ZNF114: variants seen among roughly 807,000 people sequenced by gnomAD.
ZNF114 encodes zinc finger protein 114 (Y18).
ZNF114 carries 8 observed loss-of-function variants against 6.8 expected under a neutral mutation model. The ratio of observed to expected loss-of-function variants is 1.18; its 90% CI spans 0.69 to 2.13. ZNF114 has a LOEUF of 2.13. ZNF114 is among the 30% of genes most tolerant of loss of function. The pLI, the probability that ZNF114 is intolerant of heterozygous loss-of-function variation, is 0.00. For synonymous variants in ZNF114, 169 were observed against 185.5 expected, an observed-to-expected ratio of 0.91 and a Z score of 0.72; for missense variants, 472 against 519.5, an observed-to-expected ratio of 0.91 and a Z score of 0.89.
At chr19:48,277,794 G>GGTGTGTGT (rs749201884) in intron 3 of ZNF114, among the ~76,000 whole-genome samples, 6,735 of 119,300 alleles carry the variant, frequency 0.056, 249 homozygotes, top group African/African-American at 0.063. Flanking sequence ...GGAGGCATTG[G>GGTGTGTGT]GTGTGTGTGT....
intron 3 of ZNF114, among the ~76,000 whole-genome samples, chr19:48,273,544 A>T (rs1967735485): frequency 6.6e-6 from 1 of 151,778 alleles, no homozygotes; most frequent in Admixed American, 6.6e-5. Flanking sequence ...TTAAATTGAA[A>T]TAGGCGGTTT....
At chr19:48,278,671 G>C (rs762762810) in intron 3 of ZNF114, among the ~76,000 whole-genome samples, 1 of 152,094 alleles carries the variant, frequency 6.6e-6, no homozygotes, top group African/African-American at 2.4e-5. Context: ...GGCCAGGTGC[G>C]GTGCTCACAC....
intron 3 of ZNF114, among the ~76,000 whole-genome samples, chr19:48,277,037 AATCTC>A (rs1967854707): frequency 6.6e-6 from 1 of 152,086 alleles, no homozygotes; most frequent in African/African-American, 2.4e-5. Context: ...CCAAGCCTGT[AATCTC>A]AGCTACTCAG....
intron 4 of ZNF114, among the ~76,000 whole-genome samples, chr19:48,280,060 C>G (rs939546562): frequency 1.1e-4 from 16 of 152,142 alleles, no homozygotes; most frequent in Admixed American, 3.3e-4. Context: ...GCTTCACGTT[C>G]TGCTGCAAAG....
At chr19:48,277,810 T>C (rs1486398262) in intron 3 of ZNF114, among the ~76,000 whole-genome samples, 1 of 151,062 alleles carries the variant, frequency 6.6e-6, no homozygotes, top group African/African-American at 2.4e-5. Flanking sequence ...TGTGTGTGTG[T>C]GTGTGTGTGT....
Position 48,286,276 on chromosome 19 carries a change from G to A in ZNF114, c.652G>A (p.Ala218Thr). 1 of 1,614,174 alleles carries A rather than the reference G, an allele frequency of 6.2e-7. No homozygotes were observed. Among genetic ancestry groups the A allele is most frequent in the Admixed American group, 1.7e-5 (1 of 60,006 alleles). ...HHIRDEIDTG[A>T]NRHQRNPFGK... ...TATACGTGATGAAATTGATACGGGG[G>A]CCAACAGGCACCAGCGGAATCCATT... The change falls in exon 6 of 6, where the codon GCC becomes ACC. Residue 218 changes from alanine (A) to threonine (T), a missense_variant. Physicochemically the swap from Ala to Thr is moderately conservative, Grantham distance 58 (BLOSUM62 0). Transcript: ENST00000595607.
In ZNF114 at chr19:48,285,911, A is replaced by T. The variant is rs765327554; in HGVS notation, c.287A>T (p.Glu96Val). 6 of 1,614,184 alleles carry T rather than the reference A, an allele frequency of 3.7e-6. No homozygotes were observed. In the South Asian group the frequency reaches 6.6e-5, roughly 18 times the overall value. ...LREDWRCPKT[E>V]EPHRQGVNNV... Reference sequence around the variant, plus strand: ...GAAGACTGGAGATGCCCCAAAACAGAGGAACCACACAGGCAGGGGGTGAAT... The same window carrying T: ...GAAGACTGGAGATGCCCCAAAACAGTGGAACCACACAGGCAGGGGGTGAAT... The change falls in exon 6 of 6, where the codon GAG (glutamate) becomes GTG (valine). Residue 96 changes from glutamate (E) to valine (V), a missense_variant. Physicochemically the swap from Glu to Val is moderately radical, Grantham distance 121 (BLOSUM62 -2). Transcript: ENST00000595607.
intron 3 of ZNF114, among the ~76,000 whole-genome samples, chr19:48,272,622 C>G (rs1568989044): frequency 1.7e-5 from 2 of 117,872 alleles, no homozygotes; most frequent in African/African-American, 7.6e-5. Context: ...TGCAGTGAGC[C>G]GAGATCGTGC....
intron 3 of ZNF114, among the ~76,000 whole-genome samples, chr19:48,275,457 C>CACACACACACACACACACACAA (rs1181746572): frequency 3.5e-5 from 5 of 144,556 alleles, no homozygotes; most frequent in African/African-American, 1.3e-4. Flanking sequence ...CACACACACA[C>CACACACACACACACACACACAA]AAAATAGCCA....
intron 3 of ZNF114, among the ~76,000 whole-genome samples, chr19:48,276,279 A>G (rs542603585): frequency 1.3e-5 from 2 of 151,688 alleles, no homozygotes; most frequent in East Asian, 4.0e-4. Context: ...GGGTTTCTCC[A>G]TGTTGGTCAG....
At chr19:48,278,243 C>T (rs1266889323) in intron 3 of ZNF114, among the ~76,000 whole-genome samples, 1 of 152,044 alleles carries the variant, frequency 6.6e-6, no homozygotes, top group Non-Finnish European at 1.5e-5. Context: ...GCCCAATTCA[C>T]CTTCTTAAAG....
intron 5 of ZNF114, among the ~76,000 whole-genome samples, chr19:48,283,711 C>T (rs1968048741): frequency 6.6e-6 from 1 of 150,446 alleles, no homozygotes; most frequent in Non-Finnish European, 1.5e-5. Context: ...AAATTCTTCT[C>T]CCTGGGGGGT....
intron 3 of ZNF114, among the ~76,000 whole-genome samples, chr19:48,272,424 A>AAATAAT (rs886901826): frequency 1.6e-5 from 2 of 126,594 alleles, no homozygotes; most frequent in Admixed American, 8.0e-5. Flanking sequence ...AAAAAAAAAT[A>AAATAAT]AATAATAATA....
At chr19:48,270,781 AAG>A (rs2147277093) in intron 1 of ZNF114, among the ~76,000 whole-genome samples, 1 of 151,980 alleles carries the variant, frequency 6.6e-6, no homozygotes, top group South Asian at 2.1e-4. Context: ...GAAAGAAAGA[AAG>A]AAAAGAAAAG....
At chr19:48,271,997 GGAGAAGGGC>G (rs1034648826) in intron 3 of ZNF114, among the ~76,000 whole-genome samples, 169 bp downstream of exon 3, 4 of 152,226 alleles carry the variant, frequency 2.6e-5, no homozygotes, top group African/African-American at 9.6e-5. Context: ...CTTGGCCCAG[GGAGAAGGGC>G]GCTTCCCCCA....
chr19:48,282,155 C>T (rs1482236914), intron 4 of ZNF114: 4 of 412,434 alleles, frequency 9.7e-6, no homozygotes, highest in East Asian at 6.3e-5. Flanking sequence ...GCCTCAGCCT[C>T]CCAAAGTGCT....
Position 48,286,593 on chromosome 19 carries a change from G to A in ZNF114, c.969G>A (p.Met323Ile). The change falls in exon 6 of 6, where the codon ATG becomes ATA. Residue 323 changes from methionine to isoleucine, a missense_variant. By Grantham distance (10) the Met-to-Ile change is conservative (BLOSUM62 1). Coordinates refer to ENST00000595607, the MANE Select transcript of ZNF114 (RefSeq NM_153608.4). ...ATCAGTCATTCCTTATGAGACATAT[G>A]AAAATTCACACTGGAGAGAAACCGT... Reference protein sequence around the residue: ...FFYQSFLMRHMKIHTGEKPYE... With the variant: ...FFYQSFLMRHIKIHTGEKPYE... 1 of 1,614,080 alleles carries A rather than the reference G, an allele frequency of 6.2e-7. No individual in the cohort carries two copies. The highest frequency in any genetic ancestry group is 1.1e-5 in the South Asian group (1 of 91,074).
At chr19:48,272,700 T>TAAAAAAAAAAA (rs1555875993) in intron 3 of ZNF114, among the ~76,000 whole-genome samples, 8 of 79,370 alleles carry the variant, frequency 1.0e-4, no homozygotes, top group East Asian at 2.8e-4. Flanking sequence ...AAAAAAAAAG[T>TAAAAAAAAAAA]ATTGGATTGG....
rs1373205110 is a variant in ZNF114, at chr19:48,282,364, A to G, written c.10-7A>G. On this transcript the variant is annotated splice_region_variant and splice_polypyrimidine_tract_variant and intron_variant, in intron 4 of 5. Transcript: ENST00000595607. ...CCCTCCGAGCCAAACTGCATGTGTT[A>G]TTTTAGGACTCGGTGACCTTCGCAG... The G allele has an allele frequency of 6.2e-7, 1 of 1,612,040 alleles. No homozygotes were observed.
Sources: allele counts gnomAD v4.1 joint callset (sites outside exome capture counted in the v4.1 genomes callset), GRCh38; gene constraint gnomAD v4.1.1; transcripts MANE v1.5; gene names NCBI Gene and HGNC (gene_info 2026-07-23, HGNC 2026-07-21).